The following FAM171B variants were observed in gnomAD, a reference collection of about 807,000 sequenced individuals.
FAM171B encodes protein FAM171B.
A neutral mutation model predicts 75.6 loss-of-function variants in FAM171B; 19 were observed. That is an observed-to-expected ratio of 0.25 (90% confidence interval 0.18 to 0.37). The LOEUF is 0.37. Ranked by LOEUF, FAM171B falls within the 10% of genes least tolerant of loss-of-function variation. The probability of loss-of-function intolerance (pLI) is 1.00; values close to 1 mark genes in which losing one functional copy is unlikely to be tolerated. For missense variants in FAM171B, 848 were observed against 982.4 expected, an observed-to-expected ratio of 0.86 and a Z score of 1.83; for synonymous variants, 367 against 361.7, an observed-to-expected ratio of 1.01 and a Z score of -0.17.
At chr2:186,746,130 G>A (rs982077396) in intron 3 of FAM171B, among the ~76,000 whole-genome samples, 3 of 152,186 alleles carry the variant, frequency 2.0e-5, no homozygotes, top group African/African-American at 4.8e-5. Flanking sequence ...ATTTTCAGGT[G>A]TAAGAGTTGA....
At chr2:186,709,986 C>T (rs186364405) in intron 1 of FAM171B, among the ~76,000 whole-genome samples, 7 of 152,230 alleles carry the variant, frequency 4.6e-5, no homozygotes, top group Admixed American at 2.6e-4. Context: ...TAGAGATTCA[C>T]TCATAGCAAG....
At chr2:186,712,673 G>C (rs981831654) in intron 1 of FAM171B, among the ~76,000 whole-genome samples, 6 of 152,050 alleles carry the variant, frequency 3.9e-5, no homozygotes, top group African/African-American at 7.2e-5. Context: ...CTGTACTTTT[G>C]TTTCTTTCCA....
At position 186,765,029 on chromosome 2, in the gene FAM171B, C is replaced by G. The variant is rs1423409502; in HGVS notation, c.*2206C>G. The stretch of plus-strand genomic sequence containing the variant: ...TTTTCTAGAACTACTTGTTTGCTTT[C>G]AGAATAAAACCTTATTATTTTTTAC... On this transcript the variant is annotated 3_prime_UTR_variant, in exon 8 of 8. Coordinates refer to ENST00000304698, the MANE Select transcript of FAM171B (RefSeq NM_177454.4). 6.6e-6 allele frequency: 1 copy of G among 151,866 alleles called. No homozygotes were observed. The highest frequency in any genetic ancestry group is 1.5e-5 in the Non-Finnish European group (1 of 67,852). The allele number at this position is 151,866 out of a possible 1,614,324, so 9.4% of individuals were successfully genotyped here.
chr2:186,704,119 C>T (rs1451020716), intron 1 of FAM171B, among the ~76,000 whole-genome samples: 1 of 152,064 alleles, frequency 6.6e-6, no homozygotes, highest in Non-Finnish European at 1.5e-5. Flanking sequence ...AAAATAAGTA[C>T]TTCCTGAAGT....
chr2:186,747,324 T>A, intron 4 of FAM171B, 74 bp downstream of exon 4: 1 of 1,028,588 alleles, frequency 9.7e-7, no homozygotes, highest in Non-Finnish European at 1.3e-6. Context: ...TATTTAGCTA[T>A]CTATAATAGC....
In FAM171B at chr2:186,762,416, C is replaced by A. The variant is rs145546325; in HGVS notation, c.2074C>A (p.Leu692Met). The part of the protein sequence containing the change: ...VAQVRHSFID[L>M]KKGKRTQSND... ...ACAAGTGAGGCACTCCTTTATAGAC[C>A]TGAAAAAGGGCAAGAGAACCCAGAG... The change falls in exon 8 of 8, where the codon CTG becomes ATG. Residue 692 changes from leucine to methionine, a missense_variant. By Grantham distance (15) the Leu-to-Met change is conservative. Around this residue, in one of 3 missense-constraint regions of FAM171B, gnomAD observed 47 missense variants for 94.0 expected, o/e 0.50. Coordinates refer to ENST00000304698, the MANE Select transcript of FAM171B (RefSeq NM_177454.4). This position sits in a 1 kb window ranked among gnomAD's most constrained non-coding sequence, Gnocchi z 4.0. 1.2e-6 allele frequency: 2 copies of A among 1,613,458 alleles called. No individual in the cohort carries two copies. The highest frequency in any genetic ancestry group is 1.3e-5 in the African/African-American group (1 of 74,820).
chr2:186,694,160 T>G lies in FAM171B; in HGVS notation c.-14T>G. The G allele has an allele frequency of 6.4e-7, 1 of 1,559,332 alleles. No homozygotes were observed. The highest frequency in any genetic ancestry group is 8.6e-7 in the Non-Finnish European group (1 of 1,157,406). On this transcript the variant is annotated 5_prime_UTR_variant, in exon 1 of 8. Transcript: ENST00000304698. Reference sequence around the variant, plus strand: ...GCCCCGCAATATGCCGCCGCGGCCCTCTGGCTCTAGGCCATGGCGAGGCTC... The same window carrying G: ...GCCCCGCAATATGCCGCCGCGGCCCGCTGGCTCTAGGCCATGGCGAGGCTC...
chr2:186,722,974 C>A (rs146872988), intron 1 of FAM171B, among the ~76,000 whole-genome samples: 233 of 152,112 alleles, frequency 1.5e-3, no homozygotes, highest in Middle Eastern at 6.8e-3. Context: ...GACGATAAAT[C>A]CTTTTCAGGG....
rs375124586 is a variant in FAM171B, at chr2:186,755,065, T to A, written c.1012+1016T>A. Among the ~76,000 whole-genome samples the A allele has an allele frequency of 2.0e-5, 3 of 152,306 alleles. No homozygotes were observed. In the South Asian group the frequency reaches 6.2e-4, roughly 32 times the overall value. ...TTAACATGTTGTCAAATTATCTAGATAATTTGTACCTCAGGAAACCCTACA... is the reference window on the plus strand; with the variant it reads ...TTAACATGTTGTCAAATTATCTAGAAAATTTGTACCTCAGGAAACCCTACA... On this transcript the variant is annotated intron_variant, in intron 6 of 7. Transcript: ENST00000304698.
chr2:186,703,957 T>A (rs1689700970), intron 1 of FAM171B, among the ~76,000 whole-genome samples: 1 of 152,134 alleles, frequency 6.6e-6, no homozygotes, highest in Non-Finnish European at 1.5e-5. Flanking sequence ...AAACGAACCA[T>A]TCATGGAGCA....
At chr2:186,697,673 C>A (rs753926321) in intron 1 of FAM171B, among the ~76,000 whole-genome samples, 1 of 152,084 alleles carries the variant, frequency 6.6e-6, no homozygotes, top group Non-Finnish European at 1.5e-5. Flanking sequence ...TTTGGACATG[C>A]CACATGAAAA....
chr2:186,721,901 A>C (rs1229115678), intron 1 of FAM171B, among the ~76,000 whole-genome samples: 3 of 152,024 alleles, frequency 2.0e-5, no homozygotes, highest in Non-Finnish European at 4.4e-5. Context: ...AAAAAAAAAA[A>C]AACCATATTT....
At chr2:186,708,574 GTT>G (rs1201692346) in intron 1 of FAM171B, among the ~76,000 whole-genome samples, 1 of 152,156 alleles carries the variant, frequency 6.6e-6, no homozygotes, top group East Asian at 1.9e-4. Flanking sequence ...TTTGGCCTGA[GTT>G]TCCCAGAAGA....
chr2:186,756,524 T>A (rs1690532934), intron 6 of FAM171B, among the ~76,000 whole-genome samples: 1 of 152,192 alleles, frequency 6.6e-6, no homozygotes, highest in African/African-American at 2.4e-5. Flanking sequence ...GAGGCTACTG[T>A]CCAAGGTCAA....
At chr2:186,743,890 C>G (rs1427534312) in intron 3 of FAM171B, among the ~76,000 whole-genome samples, 1 of 152,154 alleles carries the variant, frequency 6.6e-6, no homozygotes, top group Non-Finnish European at 1.5e-5. Context: ...GAGGAAAGGG[C>G]AGGACACATA....
chr2:186,699,495 A>G (rs1423194228), intron 1 of FAM171B, among the ~76,000 whole-genome samples: 4 of 151,898 alleles, frequency 2.6e-5, no homozygotes, highest in Admixed American at 2.0e-4. Flanking sequence ...TGCCTATTGA[A>G]TTGTTTGAGT....
At chr2:186,733,246 A>G (rs1488155055) in intron 1 of FAM171B, among the ~76,000 whole-genome samples, 19 of 152,202 alleles carry the variant, frequency 1.2e-4, no homozygotes, top group Admixed American at 1.2e-3. Flanking sequence ...TTTGTGATCT[A>G]TACATAGAAT....
At chr2:186,712,122 A>G (rs1369086157) in intron 1 of FAM171B, among the ~76,000 whole-genome samples, 1 of 152,176 alleles carries the variant, frequency 6.6e-6, no homozygotes, top group Non-Finnish European at 1.5e-5. Context: ...ATATTAAGGG[A>G]AGTATCCGAG....
At chr2:186,736,310 A>C (rs1690197675) in intron 1 of FAM171B, among the ~76,000 whole-genome samples, 1 of 152,118 alleles carries the variant, frequency 6.6e-6, no homozygotes, top group Non-Finnish European at 1.5e-5. Context: ...TCCTCCATTT[A>C]CTGAGGGTTA....
Sources: allele counts gnomAD v4.1 joint callset (sites outside exome capture counted in the v4.1 genomes callset), GRCh38; gene constraint gnomAD v4.1.1; regional missense constraint gnomAD v4.1.1; non-coding constraint Gnocchi (gnomAD v3.1); transcripts MANE v1.5; gene names NCBI Gene and HGNC (gene_info 2026-07-23, HGNC 2026-07-21).